ESR1: variants seen among roughly 807,000 people sequenced by gnomAD.
The protein encoded by ESR1 is estrogen receptor 1.
A neutral mutation model predicts 52.7 loss-of-function variants in ESR1; 12 were observed. That is an observed-to-expected ratio of 0.23 (90% CI 0.15 to 0.37). The LOEUF (loss-of-function observed/expected upper bound fraction) is 0.37, where lower values mean the gene tolerates loss of function less well. ESR1 is among the 10% of genes least tolerant of loss of function. The probability of loss-of-function intolerance (pLI) is 1.00; values close to 1 mark genes in which losing one functional copy is unlikely to be tolerated. For missense variants in ESR1, 584 were observed against 779.7 expected (o/e 0.75, Z 2.99); for synonymous variants, 305 against 316.8 (o/e 0.96, Z 0.39).
In ESR1 at chr6:152,098,682, G is replaced by A. The variant is rs1385523412; in HGVS notation, c.1554-50G>A. On this transcript the variant is annotated intron_variant, in intron 7 of 7. Transcript: ENST00000206249. The surrounding 1 kb of genome is among the most constrained non-coding windows in gnomAD (Gnocchi z 5.1). ...CCTTCTAGGGATTTCAGCACTCCTG[G>A]GGCTCGGGTTGGCTCTAAAGTAGTC... The A allele has an allele frequency of 3.4e-6, 5 of 1,477,122 alleles. No homozygotes were observed. Among genetic ancestry groups the A allele is most frequent in the South Asian group, 2.3e-5 (2 of 86,480 alleles). 91.5% of individuals were successfully genotyped at this position (1,477,122 alleles called of 1,614,324 possible). A position where few individuals can be genotyped will look rare whatever the true frequency, so the allele number is the denominator to read the frequency against.
intron 3 of ESR1, among the ~76,000 whole-genome samples, chr6:151,930,543 G>A (rs79958259): frequency 1.2e-3 from 187 of 152,004 alleles, no homozygotes; most frequent in South Asian, 2.5e-3. Flanking sequence ...TATTGTTTAC[G>A]TCAATTAAGA....
At chr6:152,128,833 C>T (rs938787686) in exon 7 of ESR1, 8 of 152,178 alleles carry the variant, frequency 5.3e-5, no homozygotes, top group Non-Finnish European at 1.2e-4. Context: ...TTCATTCTTC[C>T]CCAGCAGACT....
intron 4 of ESR1, among the ~76,000 whole-genome samples, chr6:151,998,594 A>G (rs2041692898): frequency 6.6e-6 from 1 of 151,970 alleles, no homozygotes; most frequent in Non-Finnish European, 1.5e-5. Flanking sequence ...GGGATCAGAA[A>G]CCTTTTTCAC....
chr6:152,000,345 C>T (rs2041850737), intron 4 of ESR1, among the ~76,000 whole-genome samples: 1 of 152,034 alleles, frequency 6.6e-6, no homozygotes. Flanking sequence ...CCTAACAAAG[C>T]CCATTATCCC....
At chr6:151,873,384 A>G (rs1791298990) in intron 2 of ESR1, among the ~76,000 whole-genome samples, 1 of 152,168 alleles carries the variant, frequency 6.6e-6, no homozygotes, top group African/African-American at 2.4e-5. Context: ...ACTTCCTGGC[A>G]TGTGATGTTC....
chr6:151,765,315 A>G (rs112046090), intron 2 of ESR1, among the ~76,000 whole-genome samples: 2,110 of 152,350 alleles, frequency 0.014, 27 homozygotes, highest in South Asian at 0.025. Context: ...AAGCATACTT[A>G]AAAGTTTTCA....
At position 152,099,364 on chromosome 6, in the gene ESR1, T is replaced by C. The variant is rs560019189; in HGVS notation, c.*398T>C. On this transcript the variant is annotated 3_prime_UTR_variant, in exon 8 of 8. Transcript: ENST00000206249. ...CTGATAAGCACTTTTTAAATGGCTC[T>C]AAGAATAAGCCACAGCAAAGAATTT... is the stretch of plus-strand genomic sequence containing the variant. 1.1e-5 allele frequency: 4 copies of C among 354,336 alleles called. No homozygotes were observed. Among genetic ancestry groups the C allele is most frequent in the Non-Finnish European group, 2.1e-5 (4 of 189,548 alleles). 21.9% of individuals were successfully genotyped at this position (354,336 alleles called of 1,614,324 possible).
downstream of ESR1, among the ~76,000 whole-genome samples, chr6:152,104,800 G>C (rs535032879): frequency 6.6e-6 from 1 of 152,126 alleles, no homozygotes; most frequent in African/African-American, 2.4e-5. Flanking sequence ...GCTCCTGGTG[G>C]GCTCCTGGAT....
At chr6:151,926,729 AG>A (rs1219686783) in intron 3 of ESR1, among the ~76,000 whole-genome samples, 1 of 152,108 alleles carries the variant, frequency 6.6e-6, no homozygotes, top group East Asian at 1.9e-4. Context: ...TATTAGTTCC[AG>A]GGGAGATTTT....
At chr6:151,887,231 A>G (rs1794005626) in intron 3 of ESR1, among the ~76,000 whole-genome samples, 1 of 152,092 alleles carries the variant, frequency 6.6e-6, no homozygotes, top group African/African-American at 2.4e-5. Flanking sequence ...ATTGAATTTA[A>G]GAAAAATGTT....
chr6:151,663,335 C>T (rs1418456131), intron 1 of ESR1, among the ~76,000 whole-genome samples: 1 of 152,188 alleles, frequency 6.6e-6, no homozygotes, highest in Admixed American at 6.5e-5. Flanking sequence ...ATATTCATCA[C>T]TTTTATTTCA....
chr6:151,793,490 A>G (rs1776398116), intron 2 of ESR1, among the ~76,000 whole-genome samples: 1 of 152,234 alleles, frequency 6.6e-6, no homozygotes, highest in Non-Finnish European at 1.5e-5. Context: ...AATTAGTCAT[A>G]TAGTCATTTA....
chr6:152,102,472 G>A lies in ESR1; in HGVS notation c.*3506G>A, dbSNP rs535895577. 2 of 209,104 alleles carry A rather than the reference G, an allele frequency of 9.6e-6. 1 individual carries two copies. Among genetic ancestry groups the A allele is most frequent in the South Asian group, 3.8e-4 (2 of 5,312 alleles). 13.0% of individuals were successfully genotyped at this position (209,104 alleles called of 1,614,324 possible). ...AATAGAGTCATACAGTAGCTCAAAAGGCAACCATAATTCTCTTTGGTGCAG... is the reference window on the plus strand; with the variant it reads ...AATAGAGTCATACAGTAGCTCAAAAAGCAACCATAATTCTCTTTGGTGCAG... On this transcript the variant is annotated 3_prime_UTR_variant, in exon 8 of 8. Transcript: ENST00000206249.
At chr6:152,117,182 G>A (rs1746384855) in intron 6 of ESR1, among the ~76,000 whole-genome samples, 1 of 152,200 alleles carries the variant, frequency 6.6e-6, no homozygotes, top group African/African-American at 2.4e-5. Flanking sequence ...CCACAAGGAG[G>A]TGTGGGGCAA....
chr6:151,868,135 G>C (rs1219728248), intron 2 of ESR1, among the ~76,000 whole-genome samples: 1 of 151,330 alleles, frequency 6.6e-6, no homozygotes, highest in East Asian at 1.9e-4. Context: ...TTTTTTGTTT[G>C]TTTGTTTTTT....
chr6:151,679,747 C>A (rs1384686813), intron 1 of ESR1, among the ~76,000 whole-genome samples: 1 of 152,228 alleles, frequency 6.6e-6, no homozygotes, highest in African/African-American at 2.4e-5. Flanking sequence ...GCCAATTTGA[C>A]TGCACTAGTG....
intron 2 of ESR1, among the ~76,000 whole-genome samples, chr6:151,859,527 A>G (rs998748223): frequency 1.3e-5 from 2 of 152,122 alleles, no homozygotes; most frequent in African/African-American, 4.8e-5. Context: ...GACCTTAGTG[A>G]TCACAGACCC....
chr6:151,715,046 T>G (rs1029006220), intron 2 of ESR1, among the ~76,000 whole-genome samples: 10 of 152,222 alleles, frequency 6.6e-5, no homozygotes, highest in African/African-American at 2.4e-4. Flanking sequence ...TGAGAAAATC[T>G]CTCAGCATTT....
intron 2 of ESR1, among the ~76,000 whole-genome samples, chr6:151,774,884 TA>T (rs1419881037): frequency 1.3e-5 from 2 of 152,240 alleles, no homozygotes; most frequent in African/African-American, 4.8e-5. Flanking sequence ...TAACTATAAA[TA>T]AAGAGCTCTA....
Sources: gnomAD v4.1 joint callset for allele counts (sites outside exome capture counted in the v4.1 genomes callset) on GRCh38, gnomAD v4.1.1 for gene constraint, Gnocchi (gnomAD v3.1) non-coding constraint, MANE v1.5 for transcripts, NCBI Gene and HGNC (gene_info 2026-07-23, HGNC 2026-07-21) for gene names.